PWWP2B: variants seen among roughly 807,000 people sequenced by gnomAD.
The protein encoded by PWWP2B is PWWP domain-containing protein 2B.
A neutral mutation model predicts 15.5 loss-of-function variants in PWWP2B; 9 were observed. The ratio of observed to expected loss-of-function variants is 0.58; its 90% CI spans 0.35 to 1.02. PWWP2B has a LOEUF of 1.02. PWWP2B is among the 50% of genes least tolerant of loss of function. PWWP2B has a pLI of 0.02. For synonymous variants in PWWP2B, 474 were observed against 403.6 expected, an observed-to-expected ratio of 1.17 and a Z score of -2.09; for missense variants, 864 against 865.3, an observed-to-expected ratio of 1.00 and a Z score of 0.02.
intron 2 of PWWP2B, among the ~76,000 whole-genome samples, chr10:132,409,528 G>C (rs1018166799): frequency 2.6e-5 from 4 of 152,170 alleles, no homozygotes; most frequent in Non-Finnish European, 5.9e-5. Context: ...CCTGAGAGGG[G>C]AAGGCAGCTC....
chr10:132,405,321 A>G lies in PWWP2B; in HGVS notation c.821A>G (p.His274Arg). 1.2e-6 allele frequency: 2 copies of G among 1,612,180 alleles called. No homozygotes were observed. Among genetic ancestry groups the G allele is most frequent in the Non-Finnish European group, 8.5e-7 (1 of 1,179,696 alleles). ...GTGGTCAAGATCCCCTCCCGCGTGC[A>G]CGGCTCTCTGGAGCCCTTCCGTCCC... ...GEVVKIPSRV[H>R]GSLEPFRPQQ... Residue 274 changes from histidine to arginine, a missense_variant, in exon 2 of 3, where the codon CAC (histidine) becomes CGC (arginine). Physicochemically the swap from His to Arg is conservative, Grantham distance 29 (BLOSUM62 0). This residue lies in a region of PWWP2B where 736 missense variants were observed against 687.7 expected (regional missense o/e 1.07). Transcript: ENST00000305233.
intron 1 of PWWP2B, among the ~76,000 whole-genome samples, chr10:132,400,760 G>A (rs1440477971): frequency 6.6e-6 from 1 of 152,234 alleles, no homozygotes; most frequent in African/African-American, 2.4e-5. Context: ...GCTGTCCTGC[G>A]CTGCGCTGAG....
In PWWP2B at chr10:132,417,067, G is replaced by A. The variant is rs201633507; in HGVS notation, c.*23G>A. The A allele has an allele frequency of 6.4e-5, 103 of 1,613,560 alleles. No homozygotes were observed. The highest frequency in any genetic ancestry group is 3.3e-4 in the Middle Eastern group (2 of 6,082). ...CTTTTTGCTTTCCCCCAAGGTCACCGACGATGAGGGCGCACCTGCTGTCCT... is the reference window on the plus strand; with the variant it reads ...CTTTTTGCTTTCCCCCAAGGTCACCAACGATGAGGGCGCACCTGCTGTCCT... On this transcript the variant is annotated 3_prime_UTR_variant, in exon 3 of 3. Transcript: ENST00000305233.
intron 2 of PWWP2B, among the ~76,000 whole-genome samples, chr10:132,409,890 C>G (rs1488851758): frequency 1.3e-5 from 2 of 151,908 alleles, no homozygotes; most frequent in Non-Finnish European, 2.9e-5. Context: ...GTGAGCTAAT[C>G]AGGAGCTGAT....
At chr10:132,407,104 C>T (rs1409449801) in intron 2 of PWWP2B, among the ~76,000 whole-genome samples, 14 of 152,162 alleles carry the variant, frequency 9.2e-5, no homozygotes, top group Admixed American at 9.2e-4. Flanking sequence ...ACCACCCATG[C>T]CCCTGTAATC....
In PWWP2B at chr10:132,409,072, T is replaced by C. The variant is rs552396384; in HGVS notation, c.*16+2783T>C. Among the ~76,000 whole-genome samples, 312 of 152,352 alleles carry C rather than the reference T, an allele frequency of 2.0e-3. 1 individual carries two copies. Among genetic ancestry groups the C allele is most frequent in the African/African-American group, 7.2e-3 (299 of 41,594 alleles). ...GGCCTTGTCCCAGCCGGTCACCTGC[T>C]GTTGCGGTCTCAGGGAGCCAACACC... On this transcript the variant is annotated intron_variant, in intron 2 of 2. Coordinates refer to ENST00000305233, the MANE Select transcript of PWWP2B (RefSeq NM_138499.4).
chr10:132,410,854 C>T (rs1335488501), intron 2 of PWWP2B, among the ~76,000 whole-genome samples: 1 of 152,232 alleles, frequency 6.6e-6, no homozygotes, highest in Non-Finnish European at 1.5e-5. Context: ...GGGGAGATTT[C>T]ACAGCTTCCA....
chr10:132,402,331 A>ACTGCCAGAGCC (rs1409237417), intron 1 of PWWP2B, among the ~76,000 whole-genome samples: 9 of 152,218 alleles, frequency 5.9e-5, no homozygotes, highest in African/African-American at 2.2e-4. Context: ...TGTCGTAGCC[A>ACTGCCAGAGCC]CCGTCCTCTG....
chr10:132,415,237 C>T (rs1173007709), intron 2 of PWWP2B, among the ~76,000 whole-genome samples: 2 of 151,412 alleles, frequency 1.3e-5, no homozygotes, highest in Non-Finnish European at 2.9e-5. Flanking sequence ...CTCACACTCA[C>T]ACACATCCAC....
At chr10:132,404,060 AGGGCTCCTGCAGGACGGCATTCTTCT>A (rs1446433108) in intron 1 of PWWP2B, among the ~76,000 whole-genome samples, 1,868 of 35,818 alleles carry the variant, frequency 0.052, 14 homozygotes, top group Middle Eastern at 0.094. Context: ...GGCATTCTCC[AGGGCTCCTGCAGGACGGCATTCTTCT>A]GGGCTCCTGC....
rs116753525 is a variant in PWWP2B at position 132,411,189 on chromosome 10, C to T, written c.*16+4900C>T. Reference sequence around the variant, plus strand: ...CAGCTCCAGACAAGAATCCCTCTTGCCTCCACAGACCTGGGGGTCCAGGCT... The same window carrying T: ...CAGCTCCAGACAAGAATCCCTCTTGTCTCCACAGACCTGGGGGTCCAGGCT... On this transcript the variant is annotated intron_variant, in intron 2 of 2. Coordinates refer to ENST00000305233, the MANE Select transcript of PWWP2B (RefSeq NM_138499.4). Among the ~76,000 whole-genome samples the T allele has an allele frequency of 9.1e-3, 1,379 of 152,328 alleles. 23 individuals are homozygous for T. Among genetic ancestry groups the T allele is most frequent in the African/African-American group, 0.032 (1,314 of 41,564 alleles).
rs1296962712 is a variant in PWWP2B at position 132,417,480 on chromosome 10, C to G, written c.*436C>G. ...TGGTGTGGGCAGCTGTTCCCTGCCT[C>G]GCAGTGTCCTGGAGGCAGCTGTCTC... On this transcript the variant is annotated 3_prime_UTR_variant, in exon 3 of 3. Coordinates refer to ENST00000305233, the MANE Select transcript of PWWP2B (RefSeq NM_138499.4). 1 of 255,650 alleles carries G rather than the reference C, an allele frequency of 3.9e-6. No individual in the cohort carries two copies. Among genetic ancestry groups the G allele is most frequent in the African/African-American group, 2.3e-5 (1 of 44,032 alleles). The allele number at this position is 255,650 out of a possible 1,614,324, so 15.8% of individuals were successfully genotyped here.
chr10:132,410,502 C>T (rs557647068), intron 2 of PWWP2B, among the ~76,000 whole-genome samples: 17 of 152,226 alleles, frequency 1.1e-4, no homozygotes, highest in Non-Finnish European at 2.2e-4. Context: ...ACTGGCCAGC[C>T]GTGTGGGGAG....
chr10:132,411,865 C>T (rs745597435), intron 2 of PWWP2B, among the ~76,000 whole-genome samples: 1 of 152,240 alleles, frequency 6.6e-6, no homozygotes, highest in African/African-American at 2.4e-5. Context: ...CTTTTCTCTT[C>T]CTCCAACTCT....
In PWWP2B at chr10:132,417,233, G is replaced by A; in HGVS notation, c.*189G>A. On this transcript the variant is annotated 3_prime_UTR_variant, in exon 3 of 3. Transcript: ENST00000305233. The stretch of plus-strand genomic sequence containing the variant: ...CAGGGAGGGGATGGCCCTGAGCCCA[G>A]CGGCTCCTCCCGCTGAGTGTATTTC... 1.3e-6 allele frequency: 1 copy of A among 778,642 alleles called. No individual in the cohort carries two copies. Among genetic ancestry groups the A allele is most frequent in the Admixed American group, 2.0e-5 (1 of 48,900 alleles). 48.2% of individuals were successfully genotyped at this position (778,642 alleles called of 1,614,324 possible). A position where few individuals can be genotyped will look rare whatever the true frequency, so the allele number is the denominator to read the frequency against.
chr10:132,405,079 A>G lies in PWWP2B; in HGVS notation c.579A>G (p.Gly193=), dbSNP rs973875899. 8 of 1,527,328 alleles carry G rather than the reference A, an allele frequency of 5.2e-6. No individual in the cohort carries two copies. The Admixed American group carries it at 1.4e-4, about 27-fold the overall frequency. The allele number at this position is 1,527,328 out of a possible 1,614,324, so 94.6% of individuals were successfully genotyped here. The change falls in exon 2 of 3, where the codon GGA becomes GGG. Residue 193 remains glycine (G), a synonymous_variant. Coordinates refer to ENST00000305233, the MANE Select transcript of PWWP2B (RefSeq NM_138499.4). The part of the protein sequence containing the change: ...STLSPPEASP[G]PPAAPRARRR... ...TGAGCCCCCCGGAGGCCAGCCCCGG[A>G]CCCCCAGCCGCGCCCAGGGCCCGCA...
chr10:132,416,168 G>A (rs993107683), intron 2 of PWWP2B, among the ~76,000 whole-genome samples: 3 of 152,200 alleles, frequency 2.0e-5, no homozygotes, highest in African/African-American at 4.8e-5. Flanking sequence ...ACTTCTCGGC[G>A]GGGCTGCGAC....
intron 1 of PWWP2B, among the ~76,000 whole-genome samples, chr10:132,399,420 G>A (rs1397635023): frequency 6.6e-6 from 1 of 152,244 alleles, no homozygotes; most frequent in Admixed American, 6.5e-5. Context: ...CACAGGCGCC[G>A]GGATGCAGGG....
At chr10:132,408,021 C>G (rs2069723754) in intron 2 of PWWP2B, among the ~76,000 whole-genome samples, 1 of 152,160 alleles carries the variant, frequency 6.6e-6, no homozygotes, top group Admixed American at 6.5e-5. Flanking sequence ...CGGGAGGACA[C>G]AGTCTTGCAG....
Sources: allele counts gnomAD v4.1 joint callset (sites outside exome capture counted in the v4.1 genomes callset), GRCh38; gene constraint gnomAD v4.1.1; regional missense constraint gnomAD v4.1.1; transcripts MANE v1.5; gene names NCBI Gene and HGNC (gene_info 2026-07-23, HGNC 2026-07-21).